Variants in KIAA1549L observed in about 807,000 individuals in gnomAD.
KIAA1549L encodes UPF0606 protein KIAA1549L.
In KIAA1549L, 88 loss-of-function variants were observed where a neutral mutation model predicts 160.7. That is an observed-to-expected ratio of 0.55 (90% confidence interval 0.46 to 0.65). The LOEUF (loss-of-function observed/expected upper bound fraction) is 0.65, where lower values mean the gene tolerates loss of function less well. KIAA1549L is among the 30% of genes least tolerant of loss of function. KIAA1549L has a pLI of 0.00. For synonymous variants in KIAA1549L, 950 were observed against 976.7 expected, an observed-to-expected ratio of 0.97 and a Z score of 0.51; for missense variants, 2,258 against 2,437.5, an observed-to-expected ratio of 0.93 and a Z score of 1.55.
chr11:33,638,688 G>T (rs918673432), intron 16 of KIAA1549L, among the ~76,000 whole-genome samples: 4 of 152,066 alleles, frequency 2.6e-5, no homozygotes, highest in African/African-American at 9.7e-5. Flanking sequence ...GGGTCATAGG[G>T]TAGGTATATG....
chr11:33,613,673 A>G (rs1850705670), intron 15 of KIAA1549L, among the ~76,000 whole-genome samples: 1 of 152,082 alleles, frequency 6.6e-6, no homozygotes, highest in Non-Finnish European at 1.5e-5. Flanking sequence ...ACCAGGCCCC[A>G]CCTCCAACAC....
chr11:33,478,001 G>A (rs1008171580), intron 1 of KIAA1549L, among the ~76,000 whole-genome samples: 2 of 152,210 alleles, frequency 1.3e-5, no homozygotes, highest in African/African-American at 4.8e-5. Flanking sequence ...AAGAGGTCCA[G>A]CTACATTTAG....
chr11:33,557,225 G>C (rs1854680283), intron 6 of KIAA1549L, among the ~76,000 whole-genome samples: 1 of 152,210 alleles, frequency 6.6e-6, no homozygotes, highest in African/African-American at 2.4e-5. Context: ...CTGGGCTCAA[G>C]TGATCCATCT....
intron 1 of KIAA1549L, among the ~76,000 whole-genome samples, chr11:33,458,300 A>G (rs1412786681): frequency 6.6e-6 from 1 of 152,344 alleles, no homozygotes; most frequent in African/African-American, 2.4e-5. Context: ...GTTTTAATGT[A>G]TAACTAAAAT....
At chr11:33,528,703 A>G (rs2133142753) in intron 1 of KIAA1549L, among the ~76,000 whole-genome samples, 1 of 152,350 alleles carries the variant, frequency 6.6e-6, no homozygotes, top group South Asian at 2.1e-4. Context: ...GCTGGAGACC[A>G]TTATTCTAAG....
chr11:33,505,373 G>A (rs781262554), intron 1 of KIAA1549L, among the ~76,000 whole-genome samples: 1 of 152,184 alleles, frequency 6.6e-6, no homozygotes. Flanking sequence ...AAACTTTGCA[G>A]TAGTAAGCTC....
intron 14 of KIAA1549L, 104 bp from the exon 15 acceptor site, chr11:33,609,645 A>C: frequency 1.1e-6 from 1 of 871,744 alleles, no homozygotes. Context: ...CCCGGAGGTG[A>C]TGCCTGTGAT....
rs536531237 is a variant in KIAA1549L at position 33,529,410 on chromosome 11, C to T, written c.239-12392C>T. ...AACGTCTTAATTAGATTTTGCTCTT[C>T]TGGATGGCAATCATGATAACAAATG... On this transcript the variant is annotated intron_variant, in intron 1 of 20. Transcript: ENST00000658780. 3.1e-4 allele frequency among the ~76,000 whole-genome samples: 47 copies of T among 152,236 alleles called. 1 individual carries two copies. The South Asian group carries it at 7.9e-3, about 26-fold the overall frequency.
rs2132993400 is a variant in KIAA1549L at position 33,459,378 on chromosome 11, G to C, written c.239-82424G>C. Among the ~76,000 whole-genome samples, 4 of 152,280 alleles carry C rather than the reference G, an allele frequency of 2.6e-5. No individual in the cohort carries two copies. In the Middle Eastern group the frequency reaches 0.01, roughly 388 times the overall value. ...CAGTTCGTGTCGCTACTTTGGAAAT[G>C]ATTGCACATGTGGATCCATTACTTG... On this transcript the variant is annotated intron_variant, in intron 1 of 20. Transcript: ENST00000658780.
rs113685658 is a variant in KIAA1549L at position 33,491,942 on chromosome 11, A to G, written c.239-49860A>G. ...TTGTAGAGGGCGAGGTCTAGGGAGGAGGTCAGAATAGGTGAGGTGGAGGAT... is the reference window on the plus strand; with the variant it reads ...TTGTAGAGGGCGAGGTCTAGGGAGGGGGTCAGAATAGGTGAGGTGGAGGAT... On this transcript the variant is annotated intron_variant, in intron 1 of 20. Coordinates refer to ENST00000658780, the MANE Select transcript of KIAA1549L (RefSeq NM_012194.3). Among the ~76,000 whole-genome samples, 370 of 152,294 alleles carry G rather than the reference A, an allele frequency of 2.4e-3. 4 individuals are homozygous for G. In the South Asian group the frequency reaches 0.025, roughly 10 times the overall value.
intron 1 of KIAA1549L, among the ~76,000 whole-genome samples, chr11:33,533,747 C>T (rs551934710): frequency 1.3e-5 from 2 of 152,250 alleles, no homozygotes; most frequent in South Asian, 4.2e-4. Flanking sequence ...ATTCTTGTCT[C>T]CTTGAGATGG....
intron 10 of KIAA1549L, among the ~76,000 whole-genome samples, chr11:33,576,872 T>G (rs565240781): frequency 2.0e-5 from 3 of 152,182 alleles, no homozygotes; most frequent in Non-Finnish European, 4.4e-5. Flanking sequence ...GTAGACGTGT[T>G]AGGTGTGAGA....
At chr11:33,527,389 A>G (rs941430912) in intron 1 of KIAA1549L, among the ~76,000 whole-genome samples, 2 of 152,236 alleles carry the variant, frequency 1.3e-5, no homozygotes, top group African/African-American at 4.8e-5. Context: ...TTGGCTAGCC[A>G]CATGTAGAGG....
intron 1 of KIAA1549L, among the ~76,000 whole-genome samples, chr11:33,539,293 T>G (rs879487030): frequency 6.6e-6 from 1 of 152,224 alleles, no homozygotes; most frequent in Non-Finnish European, 1.5e-5. Context: ...ATTTATTAAT[T>G]TTTTACTATA....
rs1403151945 is a variant in KIAA1549L at position 33,658,789 on chromosome 11, G to A, written c.5898G>A (p.Glu1966=). Residue 1966 remains glutamate, a synonymous_variant, in exon 19 of 21, where the codon GAG becomes GAA. Transcript: ENST00000658780. Reference sequence around the variant, plus strand: ...TCGGCAGCAAGACCAGAATGGCCGAGTCTACAGGGCCCGAGCCGGCCCAGC... The same window carrying A: ...TCGGCAGCAAGACCAGAATGGCCGAATCTACAGGGCCCGAGCCGGCCCAGC... ...SDIGSKTRMA[E]STGPEPAQLH... The A allele has an allele frequency of 6.4e-7, 1 of 1,570,210 alleles. No homozygotes were observed. The highest frequency in any genetic ancestry group is 1.2e-5 in the South Asian group (1 of 84,870).
At chr11:33,603,954 G>A (rs1850431601) in intron 13 of KIAA1549L, among the ~76,000 whole-genome samples, 2 of 152,186 alleles carry the variant, frequency 1.3e-5, no homozygotes, top group African/African-American at 4.8e-5. Context: ...CAGAGATGAA[G>A]CCTTCAGAGG....
At chr11:33,401,294 T>A (rs1451707783) in intron 1 of KIAA1549L, among the ~76,000 whole-genome samples, 1 of 148,022 alleles carries the variant, frequency 6.8e-6, no homozygotes, top group Non-Finnish European at 1.5e-5. Context: ...TATTTATATA[T>A]AAAATATATA....
chr11:33,376,703 A>ACGCGGGGG lies in KIAA1549L; in HGVS notation c.62_69dup (p.Arg24AlafsTer23), dbSNP rs1179309802. 2.0e-5 allele frequency: 3 copies of ACGCGGGGG among 150,554 alleles called. No individual in the cohort carries two copies. Among genetic ancestry groups the ACGCGGGGG allele is most frequent in the Non-Finnish European group, 3.0e-5 (2 of 67,618 alleles). The allele number at this position is 150,554 out of a possible 1,614,324, so 9.3% of individuals were successfully genotyped here. ...GGGCTCAAGGGAAGCTGGGCCCGCGACGCGGGGGCGCGGGGGCCGGCCCGT... is the reference window on the plus strand; with the variant it reads ...GGGCTCAAGGGAAGCTGGGCCCGCGACGCGGGGGCGCGGGGGCGCGGGGGCCGGCCCGT... On this transcript the variant is annotated frameshift_variant, in exon 1 of 21. Transcript: ENST00000658780. LOFTEE classifies it high-confidence loss of function. The surrounding 1 kb of genome is among the most constrained non-coding windows in gnomAD (Gnocchi z 5.8).
intron 1 of KIAA1549L, among the ~76,000 whole-genome samples, chr11:33,434,521 ATCTGCTGGG>A (rs1420559606): frequency 6.6e-6 from 1 of 152,198 alleles, no homozygotes; most frequent in African/African-American, 2.4e-5. Context: ...TGTCCGTTGG[ATCTGCTGGG>A]TCATATGGCC....
Sources: allele counts gnomAD v4.1 joint callset (sites outside exome capture counted in the v4.1 genomes callset), GRCh38; gene constraint gnomAD v4.1.1; non-coding constraint Gnocchi (gnomAD v3.1); transcripts MANE v1.5; gene names NCBI Gene and HGNC (gene_info 2026-07-23, HGNC 2026-07-21).